Variants in GPR75 observed in about 807,000 individuals in gnomAD.
GPR75 encodes the protein G protein-coupled receptor 75.
Under a neutral mutation model 26.0 loss-of-function variants are expected in GPR75, and 27 were observed. The ratio of observed to expected loss-of-function variants is 1.04; its 90% CI spans 0.77 to 1.43. The LOEUF (loss-of-function observed/expected upper bound fraction) is 1.43. Ranked by LOEUF, GPR75 falls within the 40% of genes most tolerant of loss-of-function variation. The pLI is 0.00. For missense variants in GPR75, 699 were observed against 662.3 expected (o/e 1.06, Z -0.61); for synonymous variants, 285 against 256.3 (o/e 1.11, Z -1.07).
At chr2:53,858,400 TAGACAC>T (rs1424095563) in intron 1 of GPR75, among the ~76,000 whole-genome samples, 1 of 85,614 alleles carries the variant, frequency 1.2e-5, no homozygotes, top group East Asian at 3.8e-4. Flanking sequence ...TAGATACAGA[TAGACAC>T]ACACACACAC....
In GPR75 at chr2:53,853,515, G is replaced by T. The variant is rs201870543; in HGVS notation, c.1242C>A (p.Asn414Lys). ...KTRLRAMGKG[N>K]LEVNRNKSSH... The stretch of plus-strand genomic sequence containing the variant: ...AGGATTTGTTTCTGTTGACTTCGAG[G>T]TTCCCTTTTCCCATGGCTCGAAGTC... Residue 414 changes from asparagine to lysine, a missense_variant, in exon 2 of 2, where the codon AAC (asparagine) becomes AAA (lysine). Asn to Lys is a moderately conservative substitution (Grantham distance 94). Transcript: ENST00000394705. The T allele has an allele frequency of 6.2e-7, 1 of 1,614,128 alleles. No individual in the cohort carries two copies.
rs529842200 is a variant in GPR75, at chr2:53,853,463, T to C, written c.1294A>G (p.Met432Val). 8 of 1,613,922 alleles carry C rather than the reference T, an allele frequency of 5.0e-6. No homozygotes were observed. The highest frequency in any genetic ancestry group is 5.1e-6 in the Non-Finnish European group (6 of 1,179,978). Residue 432 changes from methionine (M) to valine (V), a missense_variant, in exon 2 of 2, where the codon ATG (methionine) becomes GTG (valine). Coordinates refer to ENST00000394705, the MANE Select transcript of GPR75 (RefSeq NM_006794.4). ...SSHHETNSAY[M>V]LSPKPQKKFV... The stretch of plus-strand genomic sequence containing the variant: ...TTCTTCTGTGGCTTTGGAGATAACA[T>C]GTAGGCAGAGTTTGTTTCATGATGG...
At chr2:53,859,513 T>A (rs1468335063) in intron 1 of GPR75, among the ~76,000 whole-genome samples, 1 of 150,172 alleles carries the variant, frequency 6.7e-6, no homozygotes, top group East Asian at 2.0e-4. Flanking sequence ...CGGAGAAGGG[T>A]GAGGTGACGG....
chr2:53,854,679 G>A lies in GPR75; in HGVS notation c.78C>T (p.Ser26=), dbSNP rs1325643758. 1.2e-6 allele frequency: 2 copies of A among 1,614,002 alleles called. No homozygotes were observed. The highest frequency in any genetic ancestry group is 2.2e-5 in the South Asian group (2 of 91,080). The part of the protein sequence containing the change: ...LHVPHSQEGN[S]TSLQEGLQDL... ...CCTGAAGACCCTCCTGGAGAGAGGT[G>A]CTGTTTCCTTCCTGTGAGTGAGGCA... is the stretch of plus-strand genomic sequence containing the variant. The change falls in exon 2 of 2, where the codon AGC becomes AGT. Residue 26 remains serine (S), a synonymous_variant. Transcript: ENST00000394705.
At chr2:53,854,945 T>G (rs1260688910) in intron 1 of GPR75, 80 bp from the exon 2 acceptor site, 8 of 587,224 alleles carry the variant, frequency 1.4e-5, no homozygotes, top group East Asian at 1.1e-4. Context: ...GATCTCATTA[T>G]TAGTAGTAGT....
At chr2:53,859,248 T>C (rs1678310878) in intron 1 of GPR75, among the ~76,000 whole-genome samples, 1 of 152,026 alleles carries the variant, frequency 6.6e-6, no homozygotes, top group African/African-American at 2.4e-5. Context: ...ATTCCCATTG[T>C]ATTTCTATCG....
rs1057148893 is a variant in GPR75, at chr2:53,858,956, A to T, written c.-110+872T>A. Among the ~76,000 whole-genome samples the T allele has an allele frequency of 4.6e-5, 7 of 152,056 alleles. No homozygotes were observed. The South Asian group carries it at 1.5e-3, about 32-fold the overall frequency. On this transcript the variant is annotated intron_variant, in intron 1 of 1. Transcript: ENST00000394705. The stretch of plus-strand genomic sequence containing the variant: ...ATGAATTCACATGCATATTCTTACA[A>T]ATGAGACATCCTGAAGTAACTAGCA...
At chr2:53,858,559 G>A (rs1337325938) in intron 1 of GPR75, among the ~76,000 whole-genome samples, 2 of 151,828 alleles carry the variant, frequency 1.3e-5, no homozygotes, top group Admixed American at 6.6e-5. Context: ...AAAAAGCAGA[G>A]GACAGAAAAG....
chr2:53,856,767 T>C (rs963440866), intron 1 of GPR75, among the ~76,000 whole-genome samples: 15 of 152,176 alleles, frequency 9.9e-5, no homozygotes, highest in African/African-American at 3.6e-4. Flanking sequence ...CACTGGAAAG[T>C]GAGACCAACT....
intron 1 of GPR75, among the ~76,000 whole-genome samples, chr2:53,856,840 T>C (rs1247136374): frequency 6.6e-6 from 1 of 152,178 alleles, no homozygotes; most frequent in Non-Finnish European, 1.5e-5. Flanking sequence ...CTTTTGTTTC[T>C]TGATGGTTAG....
At chr2:53,858,402 G>GACACACACACACACAC (rs61090357) in intron 1 of GPR75, among the ~76,000 whole-genome samples, 5 of 145,034 alleles carry the variant, frequency 3.4e-5, no homozygotes, top group Non-Finnish European at 6.0e-5. Context: ...GATACAGATA[G>GACACACACACACACAC]ACACACACAC....
Position 53,853,888 on chromosome 2 carries a change from T to G in GPR75, c.869A>C (p.Lys290Thr). 6.2e-7 allele frequency: 1 copy of G among 1,614,064 alleles called. No individual in the cohort carries two copies. The highest frequency in any genetic ancestry group is 8.5e-7 in the Non-Finnish European group (1 of 1,180,000). Residue 290 changes from lysine (K) to threonine (T), a missense_variant, in exon 2 of 2, where the codon AAG (lysine) becomes ACG (threonine). Physicochemically the swap from Lys to Thr is moderately conservative, Grantham distance 78. Coordinates refer to ENST00000394705, the MANE Select transcript of GPR75 (RefSeq NM_006794.4). ...LQHVQTRGYT[K>T]SPNQLVTPAA... ...AGGGGTGACCAGTTGGTTGGGACTC[T>G]TGGTATATCCACGGGTCTGAACGTG...
chr2:53,857,192 C>T (rs1678254286), intron 1 of GPR75, among the ~76,000 whole-genome samples: 2 of 151,362 alleles, frequency 1.3e-5, no homozygotes, highest in African/African-American at 4.9e-5. Context: ...TGGTCTCGAT[C>T]TCCTGACCTC....
chr2:53,857,236 G>T (rs1213179115), intron 1 of GPR75, among the ~76,000 whole-genome samples: 2 of 151,678 alleles, frequency 1.3e-5, no homozygotes, highest in Non-Finnish European at 2.9e-5. Flanking sequence ...CAAAGTGCTG[G>T]GATTACAGGC....
rs753588922 is a variant in GPR75, at chr2:53,854,041, G to A, written c.716C>T (p.Pro239Leu). The A allele has an allele frequency of 6.2e-6, 10 of 1,614,056 alleles. No individual in the cohort carries two copies. Among genetic ancestry groups the A allele is most frequent in the Non-Finnish European group, 8.5e-6 (10 of 1,180,038 alleles). Residue 239 changes from proline to leucine, a missense_variant, in exon 2 of 2, where the codon CCC (proline) becomes CTC (leucine). Transcript: ENST00000394705. ...LRKNAQVRKC[P>L]PVITVDASRP... ...GGAAGCATCGACTGTGATTACAGGG[G>A]GGCACTTTCTGACTTGAGCGTTCTT...
rs1368181162 is a variant in GPR75, at chr2:53,854,388, G to T, written c.369C>A (p.Leu123=). ...ACATGATGATGAAGCCTGAACTGGT[G>T]AGATGGAAAGTGAAGCAGAAAGCAT... The part of the protein sequence containing the change: ...IPDAFCFTFH[L]TSSGFIIMSL... Residue 123 remains leucine, a synonymous_variant, in exon 2 of 2, where the codon CTC becomes CTA. Transcript: ENST00000394705. 1 of 1,614,102 alleles carries T rather than the reference G, an allele frequency of 6.2e-7. No homozygotes were observed. Among genetic ancestry groups the T allele is most frequent in the Admixed American group, 1.7e-5 (1 of 60,006 alleles).
Position 53,854,208 on chromosome 2 carries a change from G to A in GPR75, c.549C>T (p.Thr183=), listed in dbSNP as rs1450369486. The change falls in exon 2 of 2, where the codon ACC becomes ACT. Residue 183 remains threonine, a synonymous_variant. Coordinates refer to ENST00000394705, the MANE Select transcript of GPR75 (RefSeq NM_006794.4). ...FTLATLATLK[T]SKSHLCLPMS... Reference sequence around the variant, plus strand: ...TGGGAAGACAGAGGTGGGACTTGCTGGTTTTCAAGGTAGCCAAGGTGGCAA... The same window carrying A: ...TGGGAAGACAGAGGTGGGACTTGCTAGTTTTCAAGGTAGCCAAGGTGGCAA... 1.2e-6 allele frequency: 2 copies of A among 1,614,148 alleles called. No individual in the cohort carries two copies. Among genetic ancestry groups the A allele is most frequent in the Admixed American group, 3.3e-5 (2 of 60,020 alleles).
Position 53,854,143 on chromosome 2 carries a change from G to A in GPR75, c.614C>T (p.Ser205Phe). 1.2e-6 allele frequency: 2 copies of A among 1,614,200 alleles called. No individual in the cohort carries two copies. Among genetic ancestry groups the A allele is most frequent in the Admixed American group, 1.7e-5 (1 of 60,012 alleles). Residue 205 changes from serine to phenylalanine, a missense_variant, in exon 2 of 2, where the codon TCT becomes TTT. Transcript: ENST00000394705. ...LIAGKGKAIL[S>F]LYVVDFTFCV... ...GAAGGTGAAGTCGACCACATAGAGA[G>A]ACAAAATGGCTTTCCCTTTTCCAGC... is the stretch of plus-strand genomic sequence containing the variant.
At chr2:53,858,826 T>C (rs1678301083) in intron 1 of GPR75, among the ~76,000 whole-genome samples, 1 of 152,092 alleles carries the variant, frequency 6.6e-6, no homozygotes, top group Non-Finnish European at 1.5e-5. Flanking sequence ...ACTCTTCATC[T>C]CTGGGACGGA....
Sources: gnomAD v4.1 joint callset for allele counts (sites outside exome capture counted in the v4.1 genomes callset) on GRCh38, gnomAD v4.1.1 for gene constraint, MANE v1.5 for transcripts, NCBI Gene and HGNC (gene_info 2026-07-23, HGNC 2026-07-21) for gene names.